Variants in C7orf78 observed in about 807,000 individuals in gnomAD.
C7orf78 encodes putative uncharacterized protein C7orf78.
chr7:12,509,133 A>G, the C7orf78 span, among the ~76,000 whole-genome samples: 1 of 152,206 alleles, frequency 6.6e-6, no homozygotes, highest in Non-Finnish European at 1.5e-5. Context: ...CTGCTGAACT[A>G]AAGGATGGTA....
At chr7:12,490,796 G>C in the C7orf78 span, among the ~76,000 whole-genome samples, 1 of 151,856 alleles carries the variant, frequency 6.6e-6, no homozygotes, top group African/African-American at 2.4e-5. Context: ...TTGAGCAAGA[G>C]TGAGAATGGA....
the C7orf78 span, chr7:12,528,971 A>G: frequency 2.5e-6 from 1 of 398,522 alleles, no homozygotes; most frequent in Non-Finnish European, 4.4e-6. Context: ...ACCCACAAGC[A>G]TTGTGAATGC....
chr7:12,532,738 CT>C, the C7orf78 span, among the ~76,000 whole-genome samples: 2 of 151,958 alleles, frequency 1.3e-5, no homozygotes, highest in African/African-American at 4.8e-5. Flanking sequence ...CAAAACTATG[CT>C]TTTTTTGCAT....
the C7orf78 span, among the ~76,000 whole-genome samples, chr7:12,537,424 GTTACAATTCAAGA>G: frequency 6.6e-6 from 1 of 152,188 alleles, no homozygotes; most frequent in Non-Finnish European, 1.5e-5. Flanking sequence ...AATTGTGGGA[GTTACAATTCAAGA>G]TGAGATTTGG....
At chr7:12,495,965 G>A in the C7orf78 span, among the ~76,000 whole-genome samples, 2 of 150,778 alleles carry the variant, frequency 1.3e-5, no homozygotes, top group African/African-American at 4.9e-5. Flanking sequence ...TCACTCTTTC[G>A]CCCAAGCCAG....
chr7:12,491,467 T>C, the C7orf78 span: 2 of 152,156 alleles, frequency 1.3e-5, no homozygotes, highest in Non-Finnish European at 2.9e-5. Context: ...TTGGTTGAAA[T>C]TCAGGATCCC....
At chr7:12,526,995 G>T in the C7orf78 span, among the ~76,000 whole-genome samples, 1 of 146,112 alleles carries the variant, frequency 6.8e-6, no homozygotes, top group African/African-American at 2.6e-5. Flanking sequence ...CCATCTAGCT[G>T]TGTAACTGAA....
At chr7:12,509,104 G>C in the C7orf78 span, among the ~76,000 whole-genome samples, 1 of 152,112 alleles carries the variant, frequency 6.6e-6, no homozygotes, top group Non-Finnish European at 1.5e-5. Flanking sequence ...TCACTCACTG[G>C]TGCCAAAAAG....
chr7:12,496,493 G>C, the C7orf78 span: 1 of 152,118 alleles, frequency 6.6e-6, no homozygotes, highest in African/African-American at 2.4e-5. Context: ...TGTCATCAAG[G>C]GTTAGTAATG....
At chr7:12,499,298 T>A in the C7orf78 span, among the ~76,000 whole-genome samples, 1 of 151,952 alleles carries the variant, frequency 6.6e-6, no homozygotes, top group Non-Finnish European at 1.5e-5. Flanking sequence ...GCAAATTGGA[T>A]AAAGAGTCAA....
chr7:12,484,223 G>A, the C7orf78 span, among the ~76,000 whole-genome samples: 1,171 of 152,210 alleles, frequency 7.7e-3, 20 homozygotes, highest in African/African-American at 0.027. Context: ...ATGATTGATT[G>A]TTCTTAGGTG....
chr7:12,526,966 C>T, the C7orf78 span, among the ~76,000 whole-genome samples: 1 of 151,230 alleles, frequency 6.6e-6, no homozygotes, highest in Non-Finnish European at 1.5e-5. Flanking sequence ...CTATGTGTCA[C>T]TCACTTTGGT....
the C7orf78 span, among the ~76,000 whole-genome samples, chr7:12,490,047 T>C: frequency 2.0e-5 from 3 of 152,178 alleles, no homozygotes; most frequent in African/African-American, 4.8e-5. Context: ...TATTTCTATA[T>C]AGAATGGTTA....
At chr7:12,495,882 CA>C in the C7orf78 span, among the ~76,000 whole-genome samples, 1 of 152,120 alleles carries the variant, frequency 6.6e-6, no homozygotes, top group Non-Finnish European at 1.5e-5. Context: ...TCATTTGCCA[CA>C]ACTTGTTGCG....
chr7:12,495,907 G>A, the C7orf78 span, among the ~76,000 whole-genome samples: 1 of 152,020 alleles, frequency 6.6e-6, no homozygotes, highest in Admixed American at 6.6e-5. Flanking sequence ...CCAAATTTGT[G>A]GAGCTGAGAA....
the C7orf78 span, chr7:12,538,369 C>T: frequency 1.3e-5 from 2 of 152,162 alleles, no homozygotes; most frequent in Non-Finnish European, 2.9e-5. Context: ...CTGTCTCAAT[C>T]ACACTCCATT....
At chr7:12,517,773 C>T in the C7orf78 span, among the ~76,000 whole-genome samples, 2 of 152,060 alleles carry the variant, frequency 1.3e-5, no homozygotes, top group Non-Finnish European at 2.9e-5. Context: ...ATTTCTCATT[C>T]ATATCCTGAA....
chr7:12,540,678 A>G, the C7orf78 span, among the ~76,000 whole-genome samples: 30 of 152,330 alleles, frequency 2.0e-4, no homozygotes, highest in South Asian at 5.4e-3. Context: ...CCGTTTGGCC[A>G]ACAGAGTATA....
the C7orf78 span, among the ~76,000 whole-genome samples, chr7:12,522,559 A>T: frequency 2.0e-5 from 3 of 152,100 alleles, 1 homozygote; most frequent in Non-Finnish European, 4.4e-5. Context: ...GTTTCTACTT[A>T]CCTCTCAAGA....
Sources: gnomAD v4.1 joint callset for allele counts (sites outside exome capture counted in the v4.1 genomes callset) on GRCh38, gnomAD v4.1.1 for gene constraint, MANE v1.5 for transcripts, NCBI Gene and HGNC (gene_info 2026-07-23, HGNC 2026-07-21) for gene names.